FZD3: variants seen among roughly 807,000 people sequenced by gnomAD.
The protein encoded by FZD3 is frizzled class receptor 3.
Under a neutral mutation model 60.7 loss-of-function variants are expected in FZD3, and 30 were observed. The observed-to-expected ratio is 0.49, with a 90% CI of 0.37 to 0.67. The LOEUF is 0.67. Among genes scored for constraint, FZD3 ranks in the 30% least tolerant of loss-of-function variants. FZD3 has a pLI of 0.00. For synonymous variants in FZD3, 246 were observed against 275.2 expected, an observed-to-expected ratio of 0.89 and a Z score of 1.05; for missense variants, 605 against 838.7, an observed-to-expected ratio of 0.72 and a Z score of 3.44.
intron 5 of FZD3, among the ~76,000 whole-genome samples, chr8:28,540,808 G>A (rs1805146030): frequency 1.3e-5 from 2 of 152,120 alleles, no homozygotes; most frequent in South Asian, 4.2e-4. Flanking sequence ...AGCTGGGCGT[G>A]GTGGCGGGTG....
At chr8:28,560,608 A>G (rs1026215641) in intron 7 of FZD3, among the ~76,000 whole-genome samples, 1 of 152,162 alleles carries the variant, frequency 6.6e-6, no homozygotes, top group Non-Finnish European at 1.5e-5. Flanking sequence ...CTCAGCTTAT[A>G]TTTTTATATA....
rs968158827 is a variant in FZD3 at position 28,573,044 on chromosome 8, A to G, written c.*10033A>G. 4.6e-5 allele frequency: 7 copies of G among 152,126 alleles called. No individual in the cohort carries two copies. The highest frequency in any genetic ancestry group is 1.7e-4 in the African/African-American group (7 of 41,422). The allele number at this position is 152,126 out of a possible 1,614,324, so 9.4% of individuals were successfully genotyped here. On this transcript the variant is annotated 3_prime_UTR_variant, in exon 8 of 8. Coordinates refer to ENST00000240093, the MANE Select transcript of FZD3 (RefSeq NM_017412.4). ...TTTGGATAAATTTTTATAGTGGAGA[A>G]AGGTTACTTTGATCTCTCAATAATT...
At chr8:28,561,786 A>G (rs1805618007) in intron 7 of FZD3, among the ~76,000 whole-genome samples, 2 of 152,206 alleles carry the variant, frequency 1.3e-5, no homozygotes, top group Admixed American at 6.5e-5. Flanking sequence ...TTCTTGAGGC[A>G]CTAGGGATTA....
At chr8:28,522,368 C>T (rs1177981370) in intron 4 of FZD3, among the ~76,000 whole-genome samples, 4 of 151,942 alleles carry the variant, frequency 2.6e-5, no homozygotes, top group Non-Finnish European at 5.9e-5. Flanking sequence ...TAAATGAGGA[C>T]TACTGTATTT....
chr8:28,497,680 G>A (rs193219475), intron 1 of FZD3, among the ~76,000 whole-genome samples: 4 of 152,332 alleles, frequency 2.6e-5, no homozygotes, highest in Non-Finnish European at 4.4e-5. Context: ...CAGAATGATG[G>A]AATGGAGCCC....
intron 4 of FZD3, among the ~76,000 whole-genome samples, chr8:28,525,913 A>G (rs62504260): frequency 0.62 from 94,754 of 151,692 alleles, 30,005 homozygotes; most frequent in African/African-American, 0.71. Context: ...TAGATTTCAT[A>G]GGTATATGAA....
chr8:28,533,774 AT>A (rs918662204), intron 5 of FZD3, among the ~76,000 whole-genome samples: 1 of 151,306 alleles, frequency 6.6e-6, no homozygotes, highest in African/African-American at 2.4e-5. Context: ...TCCAACGTGT[AT>A]TTTTTTTTCT....
intron 3 of FZD3, among the ~76,000 whole-genome samples, chr8:28,519,803 TTAC>T (rs1344066495): frequency 6.6e-6 from 1 of 151,768 alleles, no homozygotes; most frequent in African/African-American, 2.4e-5. Flanking sequence ...AATGCCTAAA[TTAC>T]TACTATATTA....
intron 4 of FZD3, among the ~76,000 whole-genome samples, chr8:28,525,114 G>A (rs1804683066): frequency 6.6e-6 from 1 of 152,044 alleles, no homozygotes; most frequent in Non-Finnish European, 1.5e-5. Context: ...TTACCTTTCT[G>A]ATTACTTGGG....
In FZD3 at chr8:28,573,040, G is replaced by A. The variant is rs1805833181; in HGVS notation, c.*10029G>A. 6.6e-6 allele frequency: 1 copy of A among 152,046 alleles called. No homozygotes were observed. The highest frequency in any genetic ancestry group is 1.5e-5 in the Non-Finnish European group (1 of 67,996). The allele number at this position is 152,046 out of a possible 1,614,324, so 9.4% of individuals were successfully genotyped here. On this transcript the variant is annotated 3_prime_UTR_variant, in exon 8 of 8. Transcript: ENST00000240093. ...TGGTTTTGGATAAATTTTTATAGTG[G>A]AGAAAGGTTACTTTGATCTCTCAAT...
At chr8:28,554,981 A>G (rs1381708675) in intron 6 of FZD3, among the ~76,000 whole-genome samples, 6 of 152,188 alleles carry the variant, frequency 3.9e-5, no homozygotes, top group African/African-American at 2.4e-5. Flanking sequence ...TAGCTCTTGT[A>G]TTAATTTAAT....
At chr8:28,544,277 A>G (rs561747615) in intron 5 of FZD3, among the ~76,000 whole-genome samples, 2 of 152,208 alleles carry the variant, frequency 1.3e-5, no homozygotes, top group South Asian at 4.2e-4. Flanking sequence ...TTTAAGAAGT[A>G]GTAGTATGCC....
intron 3 of FZD3, among the ~76,000 whole-genome samples, chr8:28,507,684 G>T (rs117381225): frequency 2.6e-5 from 4 of 151,668 alleles, no homozygotes; most frequent in African/African-American, 9.7e-5. Context: ...ATGTTCCCCC[G>T]TTATTAGTTT....
At chr8:28,509,040 A>G (rs1804216489) in intron 3 of FZD3, among the ~76,000 whole-genome samples, 1 of 152,186 alleles carries the variant, frequency 6.6e-6, no homozygotes, top group East Asian at 1.9e-4. Context: ...AGGGATGTAT[A>G]TCAGCAAGGA....
intron 5 of FZD3, among the ~76,000 whole-genome samples, chr8:28,533,119 A>T (rs1804921700): frequency 6.6e-6 from 1 of 152,080 alleles, no homozygotes; most frequent in African/African-American, 2.4e-5. Flanking sequence ...GTTCATTTTT[A>T]AAATGTTTTT....
intron 4 of FZD3, among the ~76,000 whole-genome samples, 196 bp from the exon 5 acceptor site, chr8:28,526,951 A>AT (rs1804729134): frequency 6.6e-6 from 1 of 152,120 alleles, no homozygotes; most frequent in Admixed American, 6.6e-5. Flanking sequence ...TACAACTAGT[A>AT]TTTTTTGCTC....
chr8:28,538,394 A>G (rs973642931), intron 5 of FZD3, among the ~76,000 whole-genome samples: 1 of 152,110 alleles, frequency 6.6e-6, no homozygotes, highest in African/African-American at 2.4e-5. Flanking sequence ...ATGCTCAACA[A>G]TTTACACACA....
At chr8:28,503,281 T>G in intron 3 of FZD3, 79 bp downstream of exon 3, 1 of 748,164 alleles carries the variant, frequency 1.3e-6, no homozygotes. Context: ...ATGAATGTGT[T>G]TGATAAACAA....
At chr8:28,537,454 A>G (rs1398320299) in intron 5 of FZD3, among the ~76,000 whole-genome samples, 1 of 152,110 alleles carries the variant, frequency 6.6e-6, no homozygotes, top group Non-Finnish European at 1.5e-5. Flanking sequence ...CAAACTGTAA[A>G]AGATCAGATA....
Sources: allele counts gnomAD v4.1 joint callset (sites outside exome capture counted in the v4.1 genomes callset), GRCh38; gene constraint gnomAD v4.1.1; transcripts MANE v1.5; gene names NCBI Gene and HGNC (gene_info 2026-07-23, HGNC 2026-07-21).